AGBL1: variants seen among roughly 807,000 people sequenced by gnomAD.
The protein encoded by AGBL1 is AGBL carboxypeptidase 1, also known as cytosolic carboxypeptidase 4.
A neutral mutation model predicts 118.9 loss-of-function variants in AGBL1; 130 were observed. That is an observed-to-expected ratio of 1.09 (90% CI 0.95 to 1.26). AGBL1 has a LOEUF of 1.26. Among genes scored for constraint, AGBL1 ranks in the 50% most tolerant of loss-of-function variants. The pLI is 0.00. For synonymous variants in AGBL1, 555 were observed against 478.9 expected (o/e 1.16, Z -2.08); for missense variants, 1,584 against 1,298.1 (o/e 1.22, Z -3.38).
chr15:86,591,864 T>G (rs2084341491), intron 21 of AGBL1, among the ~76,000 whole-genome samples: 1 of 152,192 alleles, frequency 6.6e-6, no homozygotes, highest in Non-Finnish European at 1.5e-5. Context: ...TGTATCTTGG[T>G]CTTTCGGGTG....
chr15:86,560,688 A>G (rs1332494636), intron 21 of AGBL1, among the ~76,000 whole-genome samples: 1 of 152,188 alleles, frequency 6.6e-6, no homozygotes, highest in Non-Finnish European at 1.5e-5. Context: ...TGGCATTTCT[A>G]GTTCTAGATC....
intron 22 of AGBL1, among the ~76,000 whole-genome samples, chr15:86,905,431 C>A (rs2080268892): frequency 6.6e-6 from 1 of 152,110 alleles, no homozygotes; most frequent in African/African-American, 2.4e-5. Context: ...TTAGGAGTGC[C>A]AATTTGGCTG....
At chr15:86,494,527 A>C (rs1044191349) in intron 18 of AGBL1, among the ~76,000 whole-genome samples, 4 of 152,066 alleles carry the variant, frequency 2.6e-5, no homozygotes, top group African/African-American at 9.7e-5. Context: ...TGATGTCTCC[A>C]GTCTGGGTTG....
intron 22 of AGBL1, among the ~76,000 whole-genome samples, chr15:86,880,886 C>T (rs1052700056): frequency 1.6e-4 from 25 of 152,202 alleles, no homozygotes; most frequent in Middle Eastern, 3.4e-3. Context: ...TTACAGCCTC[C>T]GTGGTTCTTA....
intron 10 of AGBL1, among the ~76,000 whole-genome samples, chr15:86,263,965 C>A (rs2079032169): frequency 6.6e-6 from 1 of 152,066 alleles, no homozygotes; most frequent in Admixed American, 6.5e-5. Flanking sequence ...CAGTGAGGCC[C>A]CCATAAATAT....
rs567212493 is a variant in AGBL1, at chr15:86,477,186, G to A, written c.2556-45624G>A. Among the ~76,000 whole-genome samples, 242 of 152,112 alleles carry A rather than the reference G, an allele frequency of 1.6e-3. 4 individuals are homozygous for A. The South Asian group carries it at 0.026, about 16-fold the overall frequency. ...AATTGAAAGAACTAGAGAAGCAAGA[G>A]CAAACACATTCAAAAGCTAGCAGAA... On this transcript the variant is annotated intron_variant, in intron 18 of 22. Coordinates refer to ENST00000614907, the MANE Select transcript of AGBL1 (RefSeq NM_001386094.1).
chr15:86,269,726 C>G (rs55897475), intron 13 of AGBL1, among the ~76,000 whole-genome samples, 193 bp from the exon 14 acceptor site: 4,708 of 152,150 alleles, frequency 0.031, 257 homozygotes, highest in African/African-American at 0.11. Flanking sequence ...CTAGGAAGCC[C>G]CCTCACCTCC....
rs541000208 is a variant in AGBL1 at position 86,476,225 on chromosome 15, T to A, written c.2556-46585T>A. ...ATAATGACAGGATCAAATTCACACC[T>A]AACAATATTAACCTTAAATGTAAAT... On this transcript the variant is annotated intron_variant, in intron 18 of 22. Transcript: ENST00000614907. 5.6e-4 allele frequency among the ~76,000 whole-genome samples: 85 copies of A among 152,286 alleles called. 1 individual carries two copies. Among genetic ancestry groups the A allele is most frequent in the African/African-American group, 1.9e-3 (80 of 41,546 alleles).
chr15:86,437,783 C>T (rs1025500371), intron 18 of AGBL1, among the ~76,000 whole-genome samples: 1 of 152,146 alleles, frequency 6.6e-6, no homozygotes, highest in East Asian at 1.9e-4. Flanking sequence ...TCATGAGTGG[C>T]GTGTAGAGTG....
intron 18 of AGBL1, among the ~76,000 whole-genome samples, chr15:86,422,755 A>C (rs2081809655): frequency 6.6e-6 from 1 of 152,188 alleles, no homozygotes; most frequent in South Asian, 2.1e-4. Flanking sequence ...AAAAATGATA[A>C]AGGGGAGATC....
chr15:86,812,647 A>G (rs958004418), intron 22 of AGBL1, among the ~76,000 whole-genome samples: 1 of 152,172 alleles, frequency 6.6e-6, no homozygotes, highest in Non-Finnish European at 1.5e-5. Context: ...ATGTAAGTTC[A>G]TAGAGCACAG....
chr15:86,555,644 T>G (rs1259768177), intron 21 of AGBL1, among the ~76,000 whole-genome samples: 1 of 152,170 alleles, frequency 6.6e-6, no homozygotes, highest in Admixed American at 6.5e-5. Flanking sequence ...AAAAGAAGAA[T>G]AAGAAGAGCT....
intron 22 of AGBL1, among the ~76,000 whole-genome samples, chr15:86,731,235 A>T (rs956160646): frequency 7.9e-5 from 12 of 152,118 alleles, no homozygotes; most frequent in Non-Finnish European, 1.8e-4. Context: ...GGTTCAGTTG[A>T]TTTTTTGTTT....
chr15:86,972,724 A>G lies in AGBL1; in HGVS notation c.3222-15263A>G, dbSNP rs193272322. On this transcript the variant is annotated intron_variant, in intron 23 of 24. Coordinates refer to the AGBL1 transcript ENST00000441037. ...CTTACAGGGGGAGAATGCACTGAGC[A>G]TGCATGCTAATGTGGCCATTCTGCT... Among the ~76,000 whole-genome samples the G allele has an allele frequency of 1.9e-3, 295 of 152,168 alleles. 2 individuals are homozygous for G. The highest frequency in any genetic ancestry group is 6.6e-3 in the African/African-American group (276 of 41,548).
intron 18 of AGBL1, among the ~76,000 whole-genome samples, chr15:86,480,086 TG>T (rs1156519303): frequency 1.4e-5 from 2 of 141,574 alleles, no homozygotes; most frequent in African/African-American, 5.4e-5. Context: ...GGGCCTGTTG[TG>T]GGGTGGGGAG....
At chr15:86,328,636 C>T (rs867043792) in intron 17 of AGBL1, among the ~76,000 whole-genome samples, 3 of 152,230 alleles carry the variant, frequency 2.0e-5, no homozygotes, top group South Asian at 2.1e-4. Flanking sequence ...TAAACAGCCC[C>T]TGTGACAGTG....
chr15:86,458,781 T>C (rs1409550859), intron 18 of AGBL1, among the ~76,000 whole-genome samples: 1 of 152,162 alleles, frequency 6.6e-6, no homozygotes, highest in Non-Finnish European at 1.5e-5. Context: ...TTGCAGGAGA[T>C]AATTTTTGGG....
chr15:86,542,713 C>T (rs974126413), intron 19 of AGBL1, among the ~76,000 whole-genome samples: 4 of 152,006 alleles, frequency 2.6e-5, no homozygotes, highest in African/African-American at 7.2e-5. Flanking sequence ...TCCTAGAGTA[C>T]AGAGGCCAAG....
intron 23 of AGBL1, among the ~76,000 whole-genome samples, chr15:86,953,025 G>A (rs1038154814): frequency 6.6e-6 from 1 of 151,984 alleles, no homozygotes; most frequent in Non-Finnish European, 1.5e-5. Flanking sequence ...CTGTTCCATT[G>A]GTCTATGTGC....
Sources: gnomAD v4.1 joint callset for allele counts (sites outside exome capture counted in the v4.1 genomes callset) on GRCh38, gnomAD v4.1.1 for gene constraint, MANE v1.5 for transcripts, NCBI Gene and HGNC (gene_info 2026-07-23, HGNC 2026-07-21) for gene names.